The following TTLL7 variants were observed in gnomAD, a reference collection of about 807,000 sequenced individuals.
TTLL7 encodes the protein tubulin polyglutamylase TTLL7.
In TTLL7, 53 loss-of-function variants were observed where a neutral mutation model predicts 120.2. That is an observed-to-expected ratio of 0.44 (90% confidence interval 0.35 to 0.55). The LOEUF (loss-of-function observed/expected upper bound fraction) is 0.55, where lower values mean the gene tolerates loss of function less well. Among genes scored for constraint, TTLL7 ranks in the 20% least tolerant of loss-of-function variants. TTLL7 has a pLI of 0.00. For missense variants in TTLL7, 803 were observed against 1,054.7 expected, an observed-to-expected ratio of 0.76 and a Z score of 3.31; for synonymous variants, 353 against 351.7, an observed-to-expected ratio of 1.00 and a Z score of -0.04.
intron 1 of TTLL7, among the ~76,000 whole-genome samples, chr1:83,961,833 G>A (rs1319648038): frequency 6.6e-6 from 1 of 152,012 alleles, no homozygotes; most frequent in African/African-American, 2.4e-5. Context: ...GTTAACTTTT[G>A]CATATCTCAC....
intron 1 of TTLL7, among the ~76,000 whole-genome samples, chr1:83,984,746 G>GC (rs1220150818): frequency 6.6e-5 from 10 of 152,082 alleles, no homozygotes; most frequent in Non-Finnish European, 1.5e-4. Flanking sequence ...CATAAAGATG[G>GC]CAACAGTAGA....
intron 18 of TTLL7, among the ~76,000 whole-genome samples, chr1:83,895,232 G>A (rs1016311944): frequency 4.6e-5 from 7 of 151,988 alleles, no homozygotes; most frequent in African/African-American, 1.7e-4. Context: ...TGATAATAAA[G>A]TTACCAGGTC....
chr1:83,977,642 A>C (rs1342480496), intron 1 of TTLL7, among the ~76,000 whole-genome samples: 1 of 152,156 alleles, frequency 6.6e-6, no homozygotes, highest in Non-Finnish European at 1.5e-5. Context: ...GATGATGTCC[A>C]AAGTAGGTAA....
At chr1:83,955,009 A>G (rs142097440) in intron 1 of TTLL7, among the ~76,000 whole-genome samples, 7 of 152,310 alleles carry the variant, frequency 4.6e-5, no homozygotes, top group Non-Finnish European at 7.3e-5. Flanking sequence ...TCAAGCACCA[A>G]TAGATACACG....
intron 18 of TTLL7, among the ~76,000 whole-genome samples, chr1:83,894,909 C>T (rs1656082063): frequency 6.6e-6 from 1 of 151,996 alleles, no homozygotes; most frequent in Non-Finnish European, 1.5e-5. Context: ...CTCGGAGACC[C>T]ACCCCTATAA....
At chr1:83,884,265 T>C (rs781310864) in intron 19 of TTLL7, among the ~76,000 whole-genome samples, 13 of 151,846 alleles carry the variant, frequency 8.6e-5, no homozygotes, top group Admixed American at 2.6e-4. Context: ...TCATTTTGCA[T>C]AAACCAATTC....
At chr1:83,948,989 T>C (rs1196784930) in intron 4 of TTLL7, 1 of 221,758 alleles carries the variant, frequency 4.5e-6, no homozygotes, top group African/African-American at 2.3e-5. Context: ...TTACTTTTGT[T>C]ATTCTAGATT....
chr1:83,945,681 G>A (rs1337270667), intron 6 of TTLL7, among the ~76,000 whole-genome samples: 1 of 151,996 alleles, frequency 6.6e-6, no homozygotes, highest in Non-Finnish European at 1.5e-5. Context: ...TGCTTTTCCA[G>A]CTATTTGTTT....
chr1:83,892,469 T>TGAACATATATATGAACATATGA (rs1655673408), intron 18 of TTLL7, among the ~76,000 whole-genome samples: 1 of 86,858 alleles, frequency 1.2e-5, no homozygotes, highest in Non-Finnish European at 2.8e-5. Flanking sequence ...TGAACATATA[T>TGAACATATATATGAACATATGA]ATGAACATAT....
At chr1:83,951,532 C>T (rs1649051407) in intron 3 of TTLL7, among the ~76,000 whole-genome samples, 1 of 152,112 alleles carries the variant, frequency 6.6e-6, no homozygotes, top group African/African-American at 2.4e-5. Context: ...ATGAAATTCA[C>T]AGCTTGAAGA....
At chr1:83,917,450 G>A (rs1252321522) in intron 14 of TTLL7, among the ~76,000 whole-genome samples, 154 bp downstream of exon 14, 4 of 152,144 alleles carry the variant, frequency 2.6e-5, no homozygotes, top group Non-Finnish European at 5.9e-5. Flanking sequence ...ACTCCTGAGT[G>A]TAAGGTATCA....
intron 20 of TTLL7, among the ~76,000 whole-genome samples, chr1:83,879,222 C>T (rs996333873): frequency 2.0e-5 from 3 of 151,806 alleles, no homozygotes; most frequent in Non-Finnish European, 4.4e-5. Context: ...GAAATATGGC[C>T]ACTTTTTACA....
chr1:83,910,612 G>T (rs979020115), intron 15 of TTLL7, among the ~76,000 whole-genome samples: 1 of 152,122 alleles, frequency 6.6e-6, no homozygotes, highest in African/African-American at 2.4e-5. Flanking sequence ...GGAACAGCTG[G>T]TTGGCTGCTC....
chr1:83,896,777 A>G (rs1656261304), intron 18 of TTLL7, among the ~76,000 whole-genome samples: 1 of 152,124 alleles, frequency 6.6e-6, no homozygotes, highest in Non-Finnish European at 1.5e-5. Flanking sequence ...TAATGTCATT[A>G]GTTATTTCTC....
chr1:83,981,377 CA>C (rs1342858930), intron 1 of TTLL7: 3 of 150,098 alleles, frequency 2.0e-5, no homozygotes, highest in Non-Finnish European at 4.4e-5. Context: ...AAATAAATTT[CA>C]AAGCAAAAAA....
At chr1:83,918,565 AT>A (rs1161725826) in intron 13 of TTLL7, among the ~76,000 whole-genome samples, 2 of 152,180 alleles carry the variant, frequency 1.3e-5, no homozygotes, top group African/African-American at 4.8e-5. Context: ...CTTATTATAC[AT>A]TTTTTATTAA....
chr1:83,889,286 C>T (rs1195243420), intron 19 of TTLL7, among the ~76,000 whole-genome samples: 1 of 152,062 alleles, frequency 6.6e-6, no homozygotes, highest in Non-Finnish European at 1.5e-5. Context: ...GGGTAACCAT[C>T]CCCATGATTC....
chr1:83,900,393 C>T (rs1243126033), intron 18 of TTLL7, among the ~76,000 whole-genome samples: 1 of 151,930 alleles, frequency 6.6e-6, no homozygotes, highest in Non-Finnish European at 1.5e-5. Flanking sequence ...CATAAGATAG[C>T]TGAATACAAA....
rs539037625 is a variant in TTLL7 at position 83,950,470 on chromosome 1, C to T, written c.158-484G>A. Among the ~76,000 whole-genome samples, 140 of 152,210 alleles carry T rather than the reference C, an allele frequency of 9.2e-4. 1 individual carries two copies. In the South Asian group the frequency reaches 0.019, roughly 21 times the overall value. On this transcript the variant is annotated intron_variant, in intron 3 of 20. Transcript: ENST00000260505. ...TCAACTCATCTATGTTTACTTAGGACGTGAAATAATGAAGCAATATTCACA... is the reference window on the plus strand; with the variant it reads ...TCAACTCATCTATGTTTACTTAGGATGTGAAATAATGAAGCAATATTCACA...
Sources: gnomAD v4.1 joint callset for allele counts (sites outside exome capture counted in the v4.1 genomes callset) on GRCh38, gnomAD v4.1.1 for gene constraint, MANE v1.5 for transcripts, NCBI Gene and HGNC (gene_info 2026-07-23, HGNC 2026-07-21) for gene names.